The following CEP63 variants were observed in gnomAD, a reference collection of about 807,000 sequenced individuals.
CEP63 encodes the protein centrosomal protein of 63 kDa.
CEP63 carries 84 observed loss-of-function variants against 89.1 expected under a neutral mutation model. The observed-to-expected ratio is 0.94, with a 90% CI of 0.79 to 1.13. CEP63 has a LOEUF of 1.13. Among genes scored for constraint, CEP63 ranks in the 50% most tolerant of loss-of-function variants. CEP63 has a pLI of 0.00. For synonymous variants in CEP63, 267 were observed against 272.5 expected, an observed-to-expected ratio of 0.98 and a Z score of 0.20; for missense variants, 838 against 813.3, an observed-to-expected ratio of 1.03 and a Z score of -0.37.
chr3:134,600,980 C>G, the CEP63 span: 2 of 152,324 alleles, frequency 1.3e-5, no homozygotes, highest in South Asian at 4.1e-4. Flanking sequence ...AGATCAGCCT[C>G]GCGGTGTGCA....
At chr3:134,645,590 C>T in the CEP63 span, among the ~76,000 whole-genome samples, 1 of 152,236 alleles carries the variant, frequency 6.6e-6, no homozygotes, top group Non-Finnish European at 1.5e-5. Context: ...TTAATTTCTG[C>T]ATGCATGCAA....
At chr3:134,780,004 C>G in the CEP63 span, 17 of 152,208 alleles carry the variant, frequency 1.1e-4, no homozygotes, top group Non-Finnish European at 2.4e-4. Flanking sequence ...ATACTCCTAT[C>G]CAAAACCTTT....
chr3:134,777,608 ATTTT>A, the CEP63 span, among the ~76,000 whole-genome samples: 317 of 100,154 alleles, frequency 3.2e-3, 4 homozygotes, highest in African/African-American at 0.011. Context: ...AAAGAATAGA[ATTTT>A]TTTTTTTTTT....
At chr3:134,720,210 AC>A in the CEP63 span, among the ~76,000 whole-genome samples, 1 of 152,162 alleles carries the variant, frequency 6.6e-6, no homozygotes. Flanking sequence ...TTCTCTAATA[AC>A]CAATGATGTT....
chr3:134,617,096 G>A, the CEP63 span, among the ~76,000 whole-genome samples: 3 of 152,124 alleles, frequency 2.0e-5, no homozygotes, highest in Non-Finnish European at 4.4e-5. Context: ...TCAAGGAGGC[G>A]ATACCACTCT....
chr3:134,528,662 T>G (rs1016894742), intron 3 of CEP63, among the ~76,000 whole-genome samples: 1 of 152,098 alleles, frequency 6.6e-6, no homozygotes. Flanking sequence ...CATACTGATG[T>G]GCTTGATGTG....
the CEP63 span, among the ~76,000 whole-genome samples, chr3:134,645,146 G>A: frequency 1.3e-5 from 2 of 152,200 alleles, no homozygotes; most frequent in African/African-American, 4.8e-5. Context: ...GTGCTACTAG[G>A]CAGACTTTGT....
chr3:134,528,763 T>A (rs1949259077), intron 3 of CEP63, among the ~76,000 whole-genome samples: 1 of 152,208 alleles, frequency 6.6e-6, no homozygotes, highest in South Asian at 2.1e-4. Context: ...CTAAAAGCTA[T>A]TGCTCATTTC....
At chr3:134,723,107 T>C in the CEP63 span, among the ~76,000 whole-genome samples, 1 of 152,224 alleles carries the variant, frequency 6.6e-6, no homozygotes, top group African/African-American at 2.4e-5. Context: ...GCTGCTGGCT[T>C]CACTCATCTG....
At chr3:134,613,380 C>A in the CEP63 span, among the ~76,000 whole-genome samples, 95,398 of 151,960 alleles carry the variant, frequency 0.63, 30,406 homozygotes, top group East Asian at 0.87. Flanking sequence ...AGTCAGGGAG[C>A]AGCAGCGAGA....
the CEP63 span, among the ~76,000 whole-genome samples, chr3:134,674,105 G>A: frequency 6.6e-6 from 1 of 152,198 alleles, no homozygotes; most frequent in Admixed American, 6.5e-5. Flanking sequence ...GTGTACTGTT[G>A]GGGTGAGGTG....
intron 10 of CEP63, among the ~76,000 whole-genome samples, chr3:134,586,550 C>G (rs1201931338): frequency 6.6e-6 from 1 of 152,182 alleles, no homozygotes; most frequent in Admixed American, 6.5e-5. Flanking sequence ...AGGGTTTTTG[C>G]TGAGAGATCT....
the CEP63 span, among the ~76,000 whole-genome samples, chr3:134,669,670 A>G: frequency 6.6e-6 from 1 of 152,206 alleles, no homozygotes. Context: ...GATTTCAGTG[A>G]TGACAAAGCT....
intron 3 of CEP63, among the ~76,000 whole-genome samples, chr3:134,527,487 A>G (rs1213626401): frequency 1.3e-5 from 2 of 152,048 alleles, no homozygotes; most frequent in Non-Finnish European, 2.9e-5. Context: ...GTCAGTGGGG[A>G]CATGGGAAAT....
At chr3:134,747,685 C>T in the CEP63 span, among the ~76,000 whole-genome samples, 2 of 152,180 alleles carry the variant, frequency 1.3e-5, no homozygotes, top group Non-Finnish European at 2.9e-5. Context: ...ACAAGAGCAA[C>T]TCTGAAGTGT....
the CEP63 span, among the ~76,000 whole-genome samples, chr3:134,601,869 C>T: frequency 6.6e-6 from 1 of 152,248 alleles, no homozygotes; most frequent in African/African-American, 2.4e-5. Flanking sequence ...CCTGGATCTT[C>T]AGTCAGGCCT....
chr3:134,718,284 C>T, the CEP63 span, among the ~76,000 whole-genome samples: 1 of 152,094 alleles, frequency 6.6e-6, no homozygotes, highest in African/African-American at 2.4e-5. Flanking sequence ...TGCCAGTGGC[C>T]CTCTTGCCAC....
chr3:134,625,921 G>A, the CEP63 span, among the ~76,000 whole-genome samples: 3 of 152,224 alleles, frequency 2.0e-5, no homozygotes, highest in Non-Finnish European at 4.4e-5. Context: ...CTGATGCAGG[G>A]CCAGCAATCA....
At chr3:134,772,702 C>T in the CEP63 span, among the ~76,000 whole-genome samples, 1 of 152,106 alleles carries the variant, frequency 6.6e-6, no homozygotes, top group Non-Finnish European at 1.5e-5. Flanking sequence ...GAGTAGGGGC[C>T]TCCCCACACA....
Sources: allele counts gnomAD v4.1 joint callset (sites outside exome capture counted in the v4.1 genomes callset), GRCh38; gene constraint gnomAD v4.1.1; transcripts MANE v1.5; gene names NCBI Gene and HGNC (gene_info 2026-07-23, HGNC 2026-07-21).